Variants in CSMD1 observed in about 807,000 individuals in gnomAD.
The protein encoded by CSMD1 is CUB and sushi domain-containing protein 1.
CSMD1 carries 213 observed loss-of-function variants against 417.5 expected under a neutral mutation model. That is an observed-to-expected ratio of 0.51 (90% CI 0.46 to 0.57). The LOEUF is 0.57. Ranked by LOEUF, CSMD1 falls within the 20% of genes least tolerant of loss-of-function variation. The pLI is 0.00. For synonymous variants in CSMD1, 2,862 were observed against 1,736.8 expected (o/e 1.65, Z -16.11); for missense variants, 6,923 against 4,529.7 (o/e 1.53, Z -15.17).
chr8:4,858,995 A>T (rs1801971773), intron 1 of CSMD1, among the ~76,000 whole-genome samples: 1 of 150,966 alleles, frequency 6.6e-6, no homozygotes, highest in Admixed American at 6.6e-5. Flanking sequence ...TGGAGGCATC[A>T]CGCTACCTGA....
chr8:3,344,112 AAGG>A (rs1807834842), intron 22 of CSMD1, among the ~76,000 whole-genome samples: 1 of 152,230 alleles, frequency 6.6e-6, no homozygotes, highest in African/African-American at 2.4e-5. Context: ...TACGGAAGAT[AAGG>A]AAGACAAGGC....
At chr8:4,448,616 T>G (rs1585093226) in intron 2 of CSMD1, among the ~76,000 whole-genome samples, 1 of 152,362 alleles carries the variant, frequency 6.6e-6, no homozygotes, top group Non-Finnish European at 1.5e-5. Context: ...AATTAATAAA[T>G]GTAATGGTGG....
chr8:3,075,245 C>T (rs1372972331), intron 49 of CSMD1, among the ~76,000 whole-genome samples: 1 of 150,934 alleles, frequency 6.6e-6, no homozygotes, highest in Non-Finnish European at 1.5e-5. Flanking sequence ...ATTACCCAGC[C>T]TCAGGTATTT....
intron 7 of CSMD1, among the ~76,000 whole-genome samples, chr8:3,645,249 A>G (rs751968130): frequency 6.6e-6 from 1 of 152,196 alleles, no homozygotes; most frequent in African/African-American, 2.4e-5. Flanking sequence ...CCAACCATGC[A>G]GTAAGTGTTC....
intron 10 of CSMD1, among the ~76,000 whole-genome samples, chr8:3,560,584 G>T (rs1799426512): frequency 6.6e-6 from 1 of 152,122 alleles, no homozygotes; most frequent in South Asian, 2.1e-4. Flanking sequence ...AATGGGAGAG[G>T]AAGAAGGAAT....
intron 10 of CSMD1, among the ~76,000 whole-genome samples, chr8:3,506,645 T>C (rs1001319216): frequency 1.3e-5 from 2 of 152,166 alleles, no homozygotes; most frequent in African/African-American, 4.8e-5. Context: ...AAAACTTACA[T>C]CTGCATATTC....
intron 3 of CSMD1, among the ~76,000 whole-genome samples, chr8:4,089,421 T>C (rs746953234): frequency 6.6e-6 from 1 of 152,198 alleles, no homozygotes; most frequent in Non-Finnish European, 1.5e-5. Flanking sequence ...ATGGTTAGCA[T>C]TCTGTGTCAT....
intron 2 of CSMD1, among the ~76,000 whole-genome samples, chr8:4,633,445 T>A (rs1802651990): frequency 6.6e-6 from 1 of 151,970 alleles, no homozygotes; most frequent in Non-Finnish European, 1.5e-5. Context: ...GAGATGGGGT[T>A]TCACCGTGTT....
At chr8:4,923,978 G>C (rs1451534847) in intron 1 of CSMD1, among the ~76,000 whole-genome samples, 1 of 152,160 alleles carries the variant, frequency 6.6e-6, no homozygotes, top group Non-Finnish European at 1.5e-5. Flanking sequence ...ATCATCCTTT[G>C]ATAGTTTAAG....
chr8:4,381,280 C>A (rs1456532931), intron 3 of CSMD1, among the ~76,000 whole-genome samples: 1 of 152,146 alleles, frequency 6.6e-6, no homozygotes, highest in African/African-American at 2.4e-5. Flanking sequence ...AAACAGCCTT[C>A]CAGAGGTTGG....
intron 12 of CSMD1, among the ~76,000 whole-genome samples, chr8:3,423,682 A>C (rs71521856): frequency 0.022 from 3,339 of 152,310 alleles, 59 homozygotes; most frequent in Non-Finnish European, 0.032. Context: ...ATTATGAAGA[A>C]AGTCTTACGA....
chr8:4,610,148 C>CTAAT (rs200877749), intron 2 of CSMD1, among the ~76,000 whole-genome samples: 13,699 of 152,092 alleles, frequency 0.09, 709 homozygotes, highest in East Asian at 0.17. Flanking sequence ...AGGTTATGAA[C>CTAAT]ACCTTTTCTT....
intron 5 of CSMD1, among the ~76,000 whole-genome samples, chr8:3,902,760 G>A (rs574774242): frequency 6.6e-6 from 1 of 152,150 alleles, no homozygotes; most frequent in Admixed American, 6.5e-5. Context: ...ACATTTCTTT[G>A]TATCAAATAG....
intron 3 of CSMD1, among the ~76,000 whole-genome samples, chr8:4,403,552 C>T (rs1335124538): frequency 1.3e-5 from 2 of 152,158 alleles, no homozygotes; most frequent in South Asian, 4.1e-4. Context: ...CTGATCACCT[C>T]TTCCTTCCTG....
chr8:3,942,159 T>C (rs906574402), intron 5 of CSMD1, among the ~76,000 whole-genome samples: 1 of 151,998 alleles, frequency 6.6e-6, no homozygotes, highest in Non-Finnish European at 1.5e-5. Flanking sequence ...GACCATCTAG[T>C]TGCAGGAAAA....
chr8:3,972,143 T>A (rs1404545659), intron 5 of CSMD1, among the ~76,000 whole-genome samples: 1 of 152,214 alleles, frequency 6.6e-6, no homozygotes, highest in South Asian at 2.1e-4. Flanking sequence ...AGTGCTGGGA[T>A]GACAGGTTGA....
At chr8:4,632,384 A>AT (rs1802573539) in intron 2 of CSMD1, among the ~76,000 whole-genome samples, 1 of 143,502 alleles carries the variant, frequency 7.0e-6, no homozygotes, top group Admixed American at 6.8e-5. Flanking sequence ...GTGGTGGTGC[A>AT]CCCTGTAATC....
chr8:3,251,727 T>G (rs977966946), intron 26 of CSMD1, among the ~76,000 whole-genome samples: 1 of 152,216 alleles, frequency 6.6e-6, no homozygotes, highest in Non-Finnish European at 1.5e-5. Context: ...GTTTGTCTCC[T>G]TTTTTATTTC....
chr8:4,243,355 T>C (rs1210622533), intron 3 of CSMD1, among the ~76,000 whole-genome samples: 1 of 152,124 alleles, frequency 6.6e-6, no homozygotes, highest in Non-Finnish European at 1.5e-5. Context: ...ACCTATGCAA[T>C]GCCGAGAGGG....
Sources: gnomAD v4.1 joint callset for allele counts (sites outside exome capture counted in the v4.1 genomes callset) on GRCh38, gnomAD v4.1.1 for gene constraint, MANE v1.5 for transcripts, NCBI Gene and HGNC (gene_info 2026-07-23, HGNC 2026-07-21) for gene names.